The following DHX15 variants were observed in gnomAD, a reference collection of about 807,000 sequenced individuals.
The protein encoded by DHX15 is ATP-dependent RNA helicase DHX15.
DHX15 carries 11 observed loss-of-function variants against 94.4 expected under a neutral mutation model. The observed-to-expected ratio is 0.12, with a 90% CI of 0.07 to 0.19. The LOEUF (loss-of-function observed/expected upper bound fraction) is 0.19. Ranked by LOEUF, DHX15 falls within the 10% of genes least tolerant of loss-of-function variation. The pLI, the probability that DHX15 is intolerant of heterozygous loss-of-function variation, is 1.00. For synonymous variants in DHX15, 338 were observed against 329.9 expected (o/e 1.02, Z -0.27); for missense variants, 304 against 988.5 (o/e 0.31, Z 9.29).
intron 5 of DHX15, among the ~76,000 whole-genome samples, chr4:24,550,694 A>AC (rs1721582802): frequency 6.6e-6 from 1 of 152,172 alleles, no homozygotes; most frequent in South Asian, 2.1e-4. Context: ...TTCTCCTAGA[A>AC]CACCTCCTGA....
chr4:24,572,489 C>T (rs1722145301), intron 2 of DHX15, among the ~76,000 whole-genome samples: 1 of 152,160 alleles, frequency 6.6e-6, no homozygotes, highest in African/African-American at 2.4e-5. Context: ...CTTACCTCCA[C>T]TTTAAAAACA....
intron 3 of DHX15, among the ~76,000 whole-genome samples, chr4:24,561,812 A>C (rs1721877920): frequency 6.6e-6 from 1 of 152,150 alleles, no homozygotes; most frequent in Non-Finnish European, 1.5e-5. Flanking sequence ...GAATCAGAAA[A>C]ACTACCTGTC....
chr4:24,553,276 G>C (rs28463946), intron 5 of DHX15, among the ~76,000 whole-genome samples: 1 of 151,764 alleles, frequency 6.6e-6, no homozygotes, highest in South Asian at 2.1e-4. Context: ...AGCCGAGATC[G>C]CGCCACTGCA....
At chr4:24,529,916 G>C in intron 12 of DHX15, 146 bp from the exon 13 acceptor site, 2 of 846,822 alleles carry the variant, frequency 2.4e-6, no homozygotes, top group Admixed American at 2.6e-5. Context: ...TAAAAGCAGA[G>C]ATAAGCAAAC....
intron 1 of DHX15, among the ~76,000 whole-genome samples, chr4:24,583,784 A>C (rs1417248704): frequency 7.8e-6 from 1 of 127,732 alleles, no homozygotes; most frequent in Non-Finnish European, 1.7e-5. Context: ...AACTCCCGCC[A>C]CCCCCATCCC....
chr4:24,560,159 T>G (rs1254467894), intron 3 of DHX15, among the ~76,000 whole-genome samples: 1 of 152,040 alleles, frequency 6.6e-6, no homozygotes, highest in Non-Finnish European at 1.5e-5. Flanking sequence ...TAATTCTGAT[T>G]TGAACAAACC....
intron 10 of DHX15, chr4:24,539,732 A>C (rs924760045): frequency 6.4e-6 from 1 of 155,546 alleles, no homozygotes; most frequent in South Asian, 2.1e-4. Flanking sequence ...AGGCACACTT[A>C]ATAGAGCTAA....
intron 3 of DHX15, among the ~76,000 whole-genome samples, chr4:24,561,739 G>A (rs1259375841): frequency 6.6e-6 from 1 of 152,104 alleles, no homozygotes; most frequent in Non-Finnish European, 1.5e-5. Context: ...GCTCAACTTT[G>A]AGTAAATATG....
chr4:24,543,129 C>T, intron 6 of DHX15, 103 bp from the exon 7 acceptor site: 1 of 715,002 alleles, frequency 1.4e-6, no homozygotes, highest in South Asian at 2.2e-5. Flanking sequence ...GAATTTCAAG[C>T]CAGCAAATAA....
chr4:24,547,452 A>G (rs1362668678), intron 6 of DHX15, among the ~76,000 whole-genome samples: 1 of 152,152 alleles, frequency 6.6e-6, no homozygotes, highest in South Asian at 2.1e-4. Context: ...AACGACAGCA[A>G]GAGCTCAGAT....
intron 1 of DHX15, 179 bp downstream of exon 1, chr4:24,584,144 G>A (rs948282358): frequency 2.4e-5 from 15 of 634,852 alleles, no homozygotes; most frequent in African/African-American, 1.7e-4. Context: ...GCAACCCCCC[G>A]CGCCCTTGCC....
At chr4:24,584,160 G>T in intron 1 of DHX15, 163 bp downstream of exon 1, 1 of 729,700 alleles carries the variant, frequency 1.4e-6, no homozygotes, top group Non-Finnish European at 2.2e-6. Context: ...TTGCCGGGCC[G>T]AACGGGCGCC....
Position 24,574,930 on chromosome 4 carries a change from T to C in DHX15, c.507+1313A>G, listed in dbSNP as rs1184205884. ...GTTTTCCTTCATTAAAAAAGAAAAA[T>C]TGGCAAGGCTAAGGCAGGAGGATTG... On this transcript the variant is annotated intron_variant, in intron 2 of 13. Coordinates refer to ENST00000336812, the MANE Select transcript of DHX15 (RefSeq NM_001358.3). 3.3e-5 allele frequency among the ~76,000 whole-genome samples: 5 copies of C among 151,954 alleles called. No homozygotes were observed. In the East Asian group the frequency reaches 7.7e-4, roughly 23 times the overall value.
Position 24,527,869 on chromosome 4 carries a change from G to A in DHX15, c.*55C>T. 1 of 1,323,834 alleles carries A rather than the reference G, an allele frequency of 7.6e-7. No homozygotes were observed. 82.0% of individuals were successfully genotyped at this position (1,323,834 alleles called of 1,614,324 possible). A position where few individuals can be genotyped will look rare whatever the true frequency, so the allele number is the denominator to read the frequency against. On this transcript the variant is annotated 3_prime_UTR_variant, in exon 14 of 14. Coordinates refer to ENST00000336812, the MANE Select transcript of DHX15 (RefSeq NM_001358.3). ...TGAAGAGCACAACTCGAACTTTTGA[G>A]TTCATTCATCTTTTAAAGCTGTCCT...
intron 1 of DHX15, among the ~76,000 whole-genome samples, chr4:24,579,486 C>T (rs1202389442): frequency 6.6e-6 from 1 of 152,100 alleles, no homozygotes; most frequent in Admixed American, 6.5e-5. Context: ...TTTTTAAAAA[C>T]TGGTATCAAG....
chr4:24,573,592 A>ATATGTTCAC (rs1722171912), intron 2 of DHX15, among the ~76,000 whole-genome samples: 2 of 151,822 alleles, frequency 1.3e-5, no homozygotes, highest in Admixed American at 1.3e-4. Flanking sequence ...TGTATCATCA[A>ATATGTTCAC]TATGTTCACT....
intron 6 of DHX15, among the ~76,000 whole-genome samples, chr4:24,547,788 T>TA (rs768863797): frequency 0.011 from 1,559 of 136,894 alleles, 31 homozygotes; most frequent in African/African-American, 0.036. Flanking sequence ...CCATGTTGTT[T>TA]AAAAAAAAAA....
chr4:24,545,719 T>A (rs1359890290), intron 6 of DHX15, among the ~76,000 whole-genome samples: 1 of 152,198 alleles, frequency 6.6e-6, no homozygotes, highest in African/African-American at 2.4e-5. Flanking sequence ...ATGTTCTAAT[T>A]GTAAATGGCA....
chr4:24,581,275 G>T (rs1468076163), intron 1 of DHX15, among the ~76,000 whole-genome samples: 4 of 151,984 alleles, frequency 2.6e-5, no homozygotes, highest in Non-Finnish European at 4.4e-5. Flanking sequence ...TGATCCACCC[G>T]CCTCGGCCTC....
Sources: allele counts gnomAD v4.1 joint callset (sites outside exome capture counted in the v4.1 genomes callset), GRCh38; gene constraint gnomAD v4.1.1; transcripts MANE v1.5; gene names NCBI Gene and HGNC (gene_info 2026-07-23, HGNC 2026-07-21).